The following KIRREL3 variants were observed in gnomAD, a reference collection of about 807,000 sequenced individuals.
The protein encoded by KIRREL3 is kin of IRRE-like protein 3.
A neutral mutation model predicts 89.7 loss-of-function variants in KIRREL3; 36 were observed. That is an observed-to-expected ratio of 0.40 (90% CI 0.31 to 0.53). The LOEUF (loss-of-function observed/expected upper bound fraction) is 0.53, where lower values mean the gene tolerates loss of function less well. Ranked by LOEUF, KIRREL3 falls within the 20% of genes least tolerant of loss-of-function variation. KIRREL3 has a pLI of 0.49. For synonymous variants in KIRREL3, 445 were observed against 441.4 expected, an observed-to-expected ratio of 1.01 and a Z score of -0.10; for missense variants, 864 against 1,056.6, an observed-to-expected ratio of 0.82 and a Z score of 2.53.
intron 4 of KIRREL3, among the ~76,000 whole-genome samples, chr11:126,517,773 A>G (rs574416995): frequency 3.0e-4 from 46 of 152,292 alleles, no homozygotes; most frequent in Middle Eastern, 3.4e-3. Context: ...GTTCTCAGCG[A>G]TCATCTTATT....
intron 1 of KIRREL3, among the ~76,000 whole-genome samples, chr11:126,665,949 A>G (rs1213455789): frequency 3.9e-5 from 6 of 152,250 alleles, no homozygotes; most frequent in Non-Finnish European, 8.8e-5. Flanking sequence ...AGGTAAAAAT[A>G]TATACAAACT....
intron 1 of KIRREL3, among the ~76,000 whole-genome samples, chr11:126,847,742 A>G (rs1944197246): frequency 6.6e-6 from 1 of 152,172 alleles, no homozygotes; most frequent in African/African-American, 2.4e-5. Flanking sequence ...CTGTTGAGCT[A>G]TTTACAGCTT....
intron 1 of KIRREL3, among the ~76,000 whole-genome samples, chr11:126,618,029 A>G (rs1375698963): frequency 6.6e-6 from 1 of 152,168 alleles, no homozygotes; most frequent in East Asian, 1.9e-4. Context: ...GTTCTCATGA[A>G]TGGCTTAGCA....
chr11:126,572,906 G>A (rs1416295488), intron 1 of KIRREL3, among the ~76,000 whole-genome samples: 1 of 152,192 alleles, frequency 6.6e-6, no homozygotes, highest in Non-Finnish European at 1.5e-5. Flanking sequence ...GATCACTGGA[G>A]TCAGGCAGTC....
intron 4 of KIRREL3, among the ~76,000 whole-genome samples, chr11:126,510,421 TTTCCTTCCTTCCTTCCTTCCTTCCTTCC>T (rs202158249): frequency 7.9e-6 from 1 of 126,328 alleles, no homozygotes; most frequent in Non-Finnish European, 1.6e-5. Context: ...CCTGACGTTG[TTTCCTTCCTTCCTTCCTTCCTTCCTTCC>T]TTCCTTCCTT....
rs1591880700 is a variant in KIRREL3 at position 126,651,685 on chromosome 11, T to G, written c.56-88773A>C. On this transcript the variant is annotated intron_variant, in intron 1 of 16. Transcript: ENST00000525144. The surrounding 1 kb of genome is among the most constrained non-coding windows in gnomAD (Gnocchi z 4.6). ...GGAGATATTAATTCCATATGAAACC[T>G]CACAATTCATTCATGTGCCATTTGT... Among the ~76,000 whole-genome samples, 1 of 152,254 alleles carries G rather than the reference T, an allele frequency of 6.6e-6. No homozygotes were observed. Among genetic ancestry groups the G allele is most frequent in the East Asian group, 1.9e-4 (1 of 5,194 alleles).
Position 126,561,465 on chromosome 11 carries a change from A to G in KIRREL3, c.133+1370T>C, listed in dbSNP as rs1056280372. Among the ~76,000 whole-genome samples, 2 of 152,192 alleles carry G rather than the reference A, an allele frequency of 1.3e-5. No individual in the cohort carries two copies. The highest frequency in any genetic ancestry group is 2.9e-5 in the Non-Finnish European group (2 of 68,036). On this transcript the variant is annotated intron_variant, in intron 2 of 16. Coordinates refer to ENST00000525144, the MANE Select transcript of KIRREL3 (RefSeq NM_032531.4). This position sits in a 1 kb window ranked among gnomAD's most constrained non-coding sequence, Gnocchi z 4.5. The stretch of plus-strand genomic sequence containing the variant: ...TCTAATGAGCATCGCCAGCAAGAGA[A>G]CATGTCTATTCAGCACCACGGACAG...
At chr11:126,452,991 G>C (rs895654816) in intron 7 of KIRREL3, among the ~76,000 whole-genome samples, 12 of 151,988 alleles carry the variant, frequency 7.9e-5, no homozygotes, top group Non-Finnish European at 1.3e-4. Context: ...CACCCTCTTC[G>C]TGCCTCTCCT....
rs1949363012 is a variant in KIRREL3 at position 126,969,213 on chromosome 11, G to C, written c.55+31242C>G. On this transcript the variant is annotated intron_variant, in intron 1 of 16. Coordinates refer to ENST00000525144, the MANE Select transcript of KIRREL3 (RefSeq NM_032531.4). The surrounding 1 kb of genome is among the most constrained non-coding windows in gnomAD (Gnocchi z 4.9). Reference sequence around the variant, plus strand: ...AAGAGTCCGTAGATACCGCAGTCAAGGGGCGATTCACTCCATTTACTGACA... The same window carrying C: ...AAGAGTCCGTAGATACCGCAGTCAACGGGCGATTCACTCCATTTACTGACA... 6.6e-6 allele frequency among the ~76,000 whole-genome samples: 1 copy of C among 152,126 alleles called. No homozygotes were observed. The highest frequency in any genetic ancestry group is 2.4e-5 in the African/African-American group (1 of 41,424).
chr11:126,684,343 T>A lies in KIRREL3; in HGVS notation c.56-121431A>T, dbSNP rs186872830. On this transcript the variant is annotated intron_variant, in intron 1 of 16. Transcript: ENST00000525144. This position sits in a 1 kb window ranked among gnomAD's most constrained non-coding sequence, Gnocchi z 4.2. ...ATTGCTGATATTTTGAACAGCAGAA[T>A]CCTTATCACAAAGCCAATGGAAACA... Among the ~76,000 whole-genome samples the A allele has an allele frequency of 1.9e-4, 29 of 152,296 alleles. No individual in the cohort carries two copies. Among genetic ancestry groups the A allele is most frequent in the Admixed American group, 1.7e-3 (26 of 15,306 alleles).
At chr11:126,894,398 G>C (rs1458857818) in intron 1 of KIRREL3, among the ~76,000 whole-genome samples, 3 of 151,900 alleles carry the variant, frequency 2.0e-5, no homozygotes, top group Non-Finnish European at 4.4e-5. Flanking sequence ...CAAATGCTTT[G>C]AGTGATTCTT....
chr11:126,856,528 G>A (rs1298153584), intron 1 of KIRREL3, among the ~76,000 whole-genome samples: 5 of 147,670 alleles, frequency 3.4e-5, no homozygotes, highest in Non-Finnish European at 7.4e-5. Context: ...TTAGCATATT[G>A]AGTATTTTCT....
intron 1 of KIRREL3, among the ~76,000 whole-genome samples, chr11:126,675,242 T>A (rs1339173792): frequency 6.6e-6 from 1 of 152,246 alleles, no homozygotes; most frequent in Admixed American, 6.5e-5. Context: ...ACCTTCTATG[T>A]TTCCAGCTAC....
chr11:126,849,375 T>G (rs1180413604), intron 1 of KIRREL3, among the ~76,000 whole-genome samples: 1 of 152,238 alleles, frequency 6.6e-6, no homozygotes, highest in African/African-American at 2.4e-5. Flanking sequence ...CCCTTGGGGC[T>G]GCTCTACCTG....
At chr11:126,923,182 T>TTC (rs1565423089) in intron 1 of KIRREL3, among the ~76,000 whole-genome samples, 6 of 27,232 alleles carry the variant, frequency 2.2e-4, no homozygotes, top group Admixed American at 4.5e-4. Flanking sequence ...TCTTCTCTTC[T>TTC]TCTTCTCTTC....
chr11:126,450,851 G>T (rs1430072289), intron 7 of KIRREL3, among the ~76,000 whole-genome samples: 1 of 151,180 alleles, frequency 6.6e-6, no homozygotes, highest in Non-Finnish European at 1.5e-5. Flanking sequence ...AGATGTGTGA[G>T]CATGTGCACG....
chr11:126,470,645 C>T (rs1956860724), intron 5 of KIRREL3, among the ~76,000 whole-genome samples: 1 of 152,152 alleles, frequency 6.6e-6, no homozygotes, highest in Non-Finnish European at 1.5e-5. Flanking sequence ...CGTGTATTTC[C>T]CCAGTCTCTG....
intron 11 of KIRREL3, among the ~76,000 whole-genome samples, chr11:126,439,016 G>A (rs1267027861): frequency 2.0e-5 from 3 of 152,192 alleles, no homozygotes; most frequent in African/African-American, 4.8e-5. Context: ...AGTTTTCCCC[G>A]AGTAGTGCTA....
rs1249194880 is a variant in KIRREL3 at position 126,776,231 on chromosome 11, G to T, written c.56-213319C>A. Among the ~76,000 whole-genome samples the T allele has an allele frequency of 6.6e-6, 1 of 152,190 alleles. No individual in the cohort carries two copies. The highest frequency in any genetic ancestry group is 1.5e-5 in the Non-Finnish European group (1 of 68,024). On this transcript the variant is annotated intron_variant, in intron 1 of 16. Coordinates refer to ENST00000525144, the MANE Select transcript of KIRREL3 (RefSeq NM_032531.4). This position sits in a 1 kb window ranked among gnomAD's most constrained non-coding sequence, Gnocchi z 4.7. ...TCAGGGGCAGCCCTACTCTCTCTTA[G>T]GCTCCATTCATGCTCTTTGAACAGG...
Sources: allele counts gnomAD v4.1 joint callset (sites outside exome capture counted in the v4.1 genomes callset), GRCh38; gene constraint gnomAD v4.1.1; non-coding constraint Gnocchi (gnomAD v3.1); transcripts MANE v1.5; gene names NCBI Gene and HGNC (gene_info 2026-07-23, HGNC 2026-07-21).